Variants in RASGRF2 observed in about 807,000 individuals in gnomAD.
RASGRF2 encodes the protein ras-specific guanine nucleotide-releasing factor 2.
Under a neutral mutation model 151.0 loss-of-function variants are expected in RASGRF2, and 76 were observed. The observed-to-expected ratio is 0.50, with a 90% CI of 0.42 to 0.61. RASGRF2 has a LOEUF of 0.61. Ranked by LOEUF, RASGRF2 falls within the 20% of genes least tolerant of loss-of-function variation. The probability of loss-of-function intolerance (pLI) is 0.00; values close to 1 mark genes in which losing one functional copy is unlikely to be tolerated. For synonymous variants in RASGRF2, 504 were observed against 566.5 expected (o/e 0.89, Z 1.57); for missense variants, 1,148 against 1,564.6 (o/e 0.73, Z 4.49).
chr5:81,199,945 C>A (rs1235546117), intron 18 of RASGRF2, among the ~76,000 whole-genome samples: 2 of 143,450 alleles, frequency 1.4e-5, no homozygotes, highest in African/African-American at 5.1e-5. Context: ...TCATTTATTT[C>A]TTTGCATCTA....
chr5:80,991,116 A>G (rs1748634566), intron 1 of RASGRF2, among the ~76,000 whole-genome samples: 1 of 152,176 alleles, frequency 6.6e-6, no homozygotes, highest in African/African-American at 2.4e-5. Context: ...CAAACCTTAC[A>G]AAGATCTGCA....
intron 1 of RASGRF2, among the ~76,000 whole-genome samples, chr5:80,984,305 C>T (rs938214565): frequency 1.3e-5 from 2 of 152,208 alleles, no homozygotes; most frequent in African/African-American, 4.8e-5. Context: ...CCACCCGCCT[C>T]GGCCTCCCAG....
intron 1 of RASGRF2, among the ~76,000 whole-genome samples, chr5:81,023,524 GC>G (rs1416932842): frequency 2.0e-5 from 3 of 152,148 alleles, no homozygotes; most frequent in African/African-American, 7.2e-5. Context: ...TTGATGAGCG[GC>G]TACAAATAAT....
At chr5:80,994,330 C>T (rs934712120) in intron 1 of RASGRF2, among the ~76,000 whole-genome samples, 2 of 144,286 alleles carry the variant, frequency 1.4e-5, no homozygotes, top group Non-Finnish European at 3.0e-5. Context: ...TGCACCACTG[C>T]ACTCCAGCCT....
At chr5:81,142,337 A>G (rs1012312125) in intron 17 of RASGRF2, among the ~76,000 whole-genome samples, 15 of 152,122 alleles carry the variant, frequency 9.9e-5, no homozygotes, top group Non-Finnish European at 1.8e-4. Flanking sequence ...TGGTGTGAAA[A>G]CAGAAGGCTA....
intron 18 of RASGRF2, among the ~76,000 whole-genome samples, chr5:81,182,498 T>C (rs2112679323): frequency 6.6e-6 from 1 of 152,344 alleles, no homozygotes; most frequent in South Asian, 2.1e-4. Context: ...TAGGGCATTT[T>C]TTTTCTTTTT....
At chr5:81,092,441 G>A (rs954236299) in intron 9 of RASGRF2, among the ~76,000 whole-genome samples, 2 of 152,022 alleles carry the variant, frequency 1.3e-5, no homozygotes, top group African/African-American at 4.8e-5. Flanking sequence ...ATATAATTAT[G>A]CAATATGTAT....
chr5:81,120,389 C>A lies in RASGRF2; in HGVS notation c.2471-3253C>A, dbSNP rs563475672. 5.3e-5 allele frequency among the ~76,000 whole-genome samples: 8 copies of A among 152,004 alleles called. No individual in the cohort carries two copies. The East Asian group carries it at 1.2e-3, about 22-fold the overall frequency. ...CCTAGGAATTCGAGACCAGCCTGGG[C>A]AACATAGTGAGACCTTGTCTCTACT... On this transcript the variant is annotated intron_variant, in intron 15 of 26. Transcript: ENST00000265080.
At chr5:81,056,094 A>AT (rs1167467267) in intron 2 of RASGRF2, among the ~76,000 whole-genome samples, 6 of 151,918 alleles carry the variant, frequency 3.9e-5, no homozygotes, top group African/African-American at 7.3e-5. Flanking sequence ...GGATTCATTG[A>AT]TTTTTTGAAG....
intron 17 of RASGRF2, among the ~76,000 whole-genome samples, chr5:81,141,530 G>T (rs907570284): frequency 2.0e-5 from 3 of 152,198 alleles, no homozygotes; most frequent in African/African-American, 7.2e-5. Context: ...TCTCTCCACT[G>T]CTAAACTGCT....
At chr5:81,202,137 C>T (rs1241549478) in intron 19 of RASGRF2, among the ~76,000 whole-genome samples, 5 of 151,570 alleles carry the variant, frequency 3.3e-5, no homozygotes, top group African/African-American at 9.7e-5. Flanking sequence ...TTTTTTTGTC[C>T]ACTCTATGTG....
At chr5:81,211,564 C>T (rs1386298435) in intron 22 of RASGRF2, among the ~76,000 whole-genome samples, 7 of 152,304 alleles carry the variant, frequency 4.6e-5, no homozygotes, top group Middle Eastern at 6.8e-3. Context: ...GGTGCTTTAG[C>T]GAATTTCCAC....
At chr5:81,197,345 A>G (rs904700074) in intron 18 of RASGRF2, among the ~76,000 whole-genome samples, 12 of 149,966 alleles carry the variant, frequency 8.0e-5, no homozygotes, top group African/African-American at 2.9e-4. Flanking sequence ...AGTCCCAGCT[A>G]CTCGGGAGGC....
At chr5:81,163,955 C>G (rs752577472) in intron 17 of RASGRF2, among the ~76,000 whole-genome samples, 5 of 152,136 alleles carry the variant, frequency 3.3e-5, no homozygotes, top group Non-Finnish European at 7.4e-5. Context: ...GTGTAAATTG[C>G]TTAGAACAGT....
chr5:81,060,462 C>G (rs1356463497), intron 2 of RASGRF2, among the ~76,000 whole-genome samples: 5 of 147,800 alleles, frequency 3.4e-5, no homozygotes, highest in Non-Finnish European at 7.6e-5. Flanking sequence ...CCCCCTACTT[C>G]CTGTTCTCCT....
At chr5:81,138,186 C>T (rs1753800538) in intron 17 of RASGRF2, among the ~76,000 whole-genome samples, 2 of 152,150 alleles carry the variant, frequency 1.3e-5, no homozygotes, top group African/African-American at 4.8e-5. Flanking sequence ...GAGGAGTCTT[C>T]TATATCTTCC....
intron 1 of RASGRF2, among the ~76,000 whole-genome samples, chr5:80,973,979 C>T (rs1322066133): frequency 6.6e-6 from 1 of 152,180 alleles, no homozygotes; most frequent in Non-Finnish European, 1.5e-5. Context: ...GTTTGAAGGC[C>T]TGATGTAGCC....
At chr5:81,146,312 A>G (rs1754004441) in intron 17 of RASGRF2, among the ~76,000 whole-genome samples, 1 of 152,148 alleles carries the variant, frequency 6.6e-6, no homozygotes, top group South Asian at 2.1e-4. Flanking sequence ...GTCTGTGTGT[A>G]AGGCTGAATT....
chr5:81,019,100 G>A (rs1024987639), intron 1 of RASGRF2, among the ~76,000 whole-genome samples: 5 of 152,168 alleles, frequency 3.3e-5, no homozygotes, highest in South Asian at 4.1e-4. Flanking sequence ...TGCGCCTGGC[G>A]CATCTGCACA....
Sources: gnomAD v4.1 joint callset for allele counts (sites outside exome capture counted in the v4.1 genomes callset) on GRCh38, gnomAD v4.1.1 for gene constraint, MANE v1.5 for transcripts, NCBI Gene and HGNC (gene_info 2026-07-23, HGNC 2026-07-21) for gene names.